The following SAMMSON variants were observed in gnomAD, a reference collection of about 807,000 sequenced individuals.
The protein encoded by SAMMSON is survival associated mitochondrial melanoma specific oncogenic non-coding RNA, also known as long intergenic non-protein coding RNA 1212.
intron 4 of SAMMSON, among the ~76,000 whole-genome samples, chr3:70,147,565 C>CT (rs1282351376): frequency 1.3e-5 from 2 of 151,954 alleles, no homozygotes; most frequent in Non-Finnish European, 2.9e-5. Flanking sequence ...AAAGCATAGT[C>CT]TTTTCAACAA....
intron 7 of SAMMSON, among the ~76,000 whole-genome samples, chr3:70,300,142 T>C (rs559938337): frequency 6.6e-6 from 1 of 152,222 alleles, no homozygotes; most frequent in African/African-American, 2.4e-5. Context: ...TTCTTTGAAA[T>C]TTATCCTTCC....
intron 4 of SAMMSON, among the ~76,000 whole-genome samples, chr3:70,131,684 G>T (rs939148719): frequency 2.0e-5 from 3 of 152,006 alleles, no homozygotes; most frequent in Non-Finnish European, 2.9e-5. Flanking sequence ...AAACTCAAAC[G>T]ATTCTCTCAC....
chr3:70,393,782 A>G (rs2106758655), downstream of SAMMSON, among the ~76,000 whole-genome samples: 1 of 152,238 alleles, frequency 6.6e-6, no homozygotes, highest in Non-Finnish European at 1.5e-5. Flanking sequence ...GAGCAAACTC[A>G]TAAGGCAGAG....
intron 4 of SAMMSON, among the ~76,000 whole-genome samples, chr3:70,174,353 G>T (rs1291185836): frequency 2.6e-5 from 4 of 152,062 alleles, no homozygotes; most frequent in South Asian, 4.1e-4. Flanking sequence ...CTTTAAGGGA[G>T]TGTAAGTGGT....
chr3:70,429,018 A>G (rs1241865982), intron 2 of SAMMSON, among the ~76,000 whole-genome samples: 2 of 152,190 alleles, frequency 1.3e-5, no homozygotes, highest in African/African-American at 2.4e-5. Context: ...TTGGTGTATT[A>G]GTCATGAAGT....
rs1397508048 is a variant in SAMMSON, at chr3:70,267,577, TA to T, written n.674+17908del. ...GCCACCATGCCCGGCTAATTTTTTG[TA>T]TTTTTTTTTTTTTTTTTTTAGTAAA... is the stretch of plus-strand genomic sequence containing the variant. On this transcript the variant is annotated intron_variant and non_coding_transcript_variant, in intron 6 of 9. Transcript: ENST00000642114. Among the ~76,000 whole-genome samples the T allele has an allele frequency of 1.1e-4, 9 of 84,846 alleles. 1 individual carries two copies. The highest frequency in any genetic ancestry group is 2.0e-4 in the African/African-American group (4 of 20,272). 55.7% of individuals were successfully genotyped at this position (84,846 alleles called of 152,430 possible).
At chr3:70,135,278 T>C (rs990041092) in intron 4 of SAMMSON, among the ~76,000 whole-genome samples, 1 of 152,186 alleles carries the variant, frequency 6.6e-6, no homozygotes, top group East Asian at 1.9e-4. Flanking sequence ...TAGCAATCTA[T>C]ATTTTATGGA....
chr3:70,087,681 G>A lies in SAMMSON; in HGVS notation n.507+16116G>A, dbSNP rs149367305. On this transcript the variant is annotated intron_variant and non_coding_transcript_variant, in intron 4 of 9. Coordinates refer to ENST00000642114, the Ensembl canonical transcript of SAMMSON. Reference sequence around the variant, plus strand: ...TAAGAAATGGAGTGGGCTGGGGAAGGCATTATCCTTGTTATTTATCATCAA... The same window carrying A: ...TAAGAAATGGAGTGGGCTGGGGAAGACATTATCCTTGTTATTTATCATCAA... Among the ~76,000 whole-genome samples, 318 of 152,204 alleles carry A rather than the reference G, an allele frequency of 2.1e-3. 1 individual carries two copies. The highest frequency in any genetic ancestry group is 7.4e-3 in the African/African-American group (306 of 41,526).
chr3:70,258,001 A>C (rs917313363), intron 6 of SAMMSON, among the ~76,000 whole-genome samples: 12 of 152,232 alleles, frequency 7.9e-5, no homozygotes, highest in African/African-American at 2.9e-4. Context: ...GATTTTTGAC[A>C]AAGATGTCAA....
chr3:70,255,561 T>A (rs545577437), intron 6 of SAMMSON, among the ~76,000 whole-genome samples: 3 of 152,092 alleles, frequency 2.0e-5, no homozygotes, highest in South Asian at 4.1e-4. Flanking sequence ...TCAGTCCTCC[T>A]GCCTCAGTCC....
chr3:70,072,936 A>G (rs945062980), intron 4 of SAMMSON, among the ~76,000 whole-genome samples: 1 of 152,068 alleles, frequency 6.6e-6, no homozygotes, highest in African/African-American at 2.4e-5. Context: ...CTCATTGTAA[A>G]TGTTTGGTTA....
chr3:70,275,903 T>C (rs887863688), intron 6 of SAMMSON, among the ~76,000 whole-genome samples: 1 of 152,186 alleles, frequency 6.6e-6, no homozygotes, highest in Admixed American at 6.6e-5. Context: ...TAAAATCAGA[T>C]TGCTCATTGT....
chr3:70,042,460 T>G (rs890230172), intron 3 of SAMMSON, among the ~76,000 whole-genome samples: 24 of 152,076 alleles, frequency 1.6e-4, no homozygotes, highest in African/African-American at 3.4e-4. Flanking sequence ...AGCATGTTTT[T>G]TTGTTGTTGT....
At chr3:70,297,158 C>T (rs919316281) in intron 7 of SAMMSON, among the ~76,000 whole-genome samples, 10 of 152,016 alleles carry the variant, frequency 6.6e-5, no homozygotes, top group Non-Finnish European at 1.2e-4. Flanking sequence ...ATGCACAGTA[C>T]ACTGCTTGTC....
chr3:70,216,299 T>C (rs1282306610), intron 4 of SAMMSON, among the ~76,000 whole-genome samples: 1 of 150,354 alleles, frequency 6.7e-6, no homozygotes, highest in Non-Finnish European at 1.5e-5. Context: ...ATCTGATTAA[T>C]ACTACATATT....
At chr3:70,235,227 C>G (rs1221461894) in intron 4 of SAMMSON, among the ~76,000 whole-genome samples, 1 of 152,168 alleles carries the variant, frequency 6.6e-6, no homozygotes, top group Non-Finnish European at 1.5e-5. Context: ...CCGTCGTTCT[C>G]TTTCCTTGCA....
intron 2 of SAMMSON, among the ~76,000 whole-genome samples, chr3:70,433,076 G>A (rs1255177629): frequency 1.3e-5 from 2 of 151,970 alleles, no homozygotes; most frequent in Admixed American, 1.3e-4. Flanking sequence ...ATCTATTGAA[G>A]GATATCTTAG....
chr3:70,428,621 G>T (rs59204235), intron 2 of SAMMSON, among the ~76,000 whole-genome samples: 3,861 of 152,188 alleles, frequency 0.025, 197 homozygotes, highest in African/African-American at 0.089. Context: ...TCTTATATAG[G>T]ACGCTAGCAT....
At chr3:70,256,569 A>G (rs1471934896) in intron 6 of SAMMSON, among the ~76,000 whole-genome samples, 1 of 152,160 alleles carries the variant, frequency 6.6e-6, no homozygotes, top group African/African-American at 2.4e-5. Flanking sequence ...ATATTGGAAA[A>G]CCTATGCTAT....
Sources: gnomAD v4.1 joint callset for allele counts (sites outside exome capture counted in the v4.1 genomes callset) on GRCh38, gnomAD v4.1.1 for gene constraint, MANE v1.5 for transcripts, NCBI Gene and HGNC (gene_info 2026-07-23, HGNC 2026-07-21) for gene names.